Variants in MTMR7 observed in about 807,000 individuals in gnomAD.
The protein encoded by MTMR7 is myotubularin related protein 7.
In MTMR7, 76 loss-of-function variants were observed where a neutral mutation model predicts 81.2. That is an observed-to-expected ratio of 0.94 (90% confidence interval 0.78 to 1.13). The LOEUF (loss-of-function observed/expected upper bound fraction) is 1.13, where lower values mean the gene tolerates loss of function less well. Among genes scored for constraint, MTMR7 ranks in the 50% most tolerant of loss-of-function variants. The probability of loss-of-function intolerance (pLI) is 0.00; values close to 1 mark genes in which losing one functional copy is unlikely to be tolerated. For synonymous variants in MTMR7, 372 were observed against 289.8 expected, an observed-to-expected ratio of 1.28 and a Z score of -2.88; for missense variants, 1,044 against 820.0, an observed-to-expected ratio of 1.27 and a Z score of -3.34.
At position 17,365,640 on chromosome 8, in the gene MTMR7, C is replaced by G. The variant is rs537439292; in HGVS notation, c.311-4366G>C. Among the ~76,000 whole-genome samples the G allele has an allele frequency of 2.0e-5, 3 of 152,256 alleles. No individual in the cohort carries two copies. The South Asian group carries it at 6.2e-4, about 32-fold the overall frequency. ...GGGGCCCCATTACACAAGAGCTCCT[C>G]CAATAAGAAGCAAATACTCAAAATG... On this transcript the variant is annotated intron_variant, in intron 3 of 13. Transcript: ENST00000180173.
intron 3 of MTMR7, 138 bp from the exon 4 acceptor site, chr8:17,361,412 C>G: frequency 1.1e-6 from 1 of 874,620 alleles, no homozygotes; most frequent in Non-Finnish European, 1.8e-6. Flanking sequence ...TTGGGAGTAA[C>G]CTGTGTGCAG....
intron 7 of MTMR7, among the ~76,000 whole-genome samples, chr8:17,316,464 TA>T (rs3040963): frequency 0.33 from 47,266 of 143,294 alleles, 7,783 homozygotes; most frequent in South Asian, 0.5. Context: ...AACAGTACAG[TA>T]AAAAAAAAAA....
At chr8:17,344,750 A>G (rs528388451) in intron 5 of MTMR7, among the ~76,000 whole-genome samples, 6 of 152,302 alleles carry the variant, frequency 3.9e-5, no homozygotes, top group East Asian at 1.9e-4. Flanking sequence ...TTAAAACTAC[A>G]GAGTGTGAGA....
intron 4 of MTMR7, among the ~76,000 whole-genome samples, chr8:17,352,245 C>A (rs1434056307): frequency 2.0e-5 from 3 of 152,116 alleles, no homozygotes; most frequent in African/African-American, 7.2e-5. Flanking sequence ...GGAATAAAGA[C>A]AGACAAATAG....
intron 4 of MTMR7, among the ~76,000 whole-genome samples, chr8:17,355,803 A>T (rs1392590699): frequency 6.6e-6 from 1 of 152,226 alleles, no homozygotes; most frequent in Non-Finnish European, 1.5e-5. Flanking sequence ...TTCACAGAAG[A>T]GTCAACATGA....
chr8:17,400,522 T>C (rs1821396303), intron 1 of MTMR7, among the ~76,000 whole-genome samples: 1 of 152,218 alleles, frequency 6.6e-6, no homozygotes, highest in Non-Finnish European at 1.5e-5. Context: ...TCTGGAGTCC[T>C]GTGTGCTTCC....
At position 17,297,057 on chromosome 8, in the gene MTMR7, G is replaced by A. The variant is rs1281083792; in HGVS notation, c.*2805C>T. On this transcript the variant is annotated 3_prime_UTR_variant, in exon 14 of 14. Transcript: ENST00000180173. ...AAGTGACCATTTTTTCTAATTTTAT[G>A]GCTATATATTTTCTTCATAAAAATT... 1 of 152,048 alleles carries A rather than the reference G, an allele frequency of 6.6e-6. No homozygotes were observed. Among genetic ancestry groups the A allele is most frequent in the African/African-American group, 2.4e-5 (1 of 41,394 alleles). The allele number at this position is 152,048 out of a possible 1,614,324, so 9.4% of individuals were successfully genotyped here. A position where few individuals can be genotyped will look rare whatever the true frequency, so the allele number is the denominator to read the frequency against.
At chr8:17,360,009 T>G (rs1185507556) in intron 4 of MTMR7, among the ~76,000 whole-genome samples, 1 of 152,172 alleles carries the variant, frequency 6.6e-6, no homozygotes. Flanking sequence ...TTCTCCATTA[T>G]TTAAAATAGT....
At chr8:17,322,692 G>A (rs747110905) in intron 7 of MTMR7, among the ~76,000 whole-genome samples, 2 of 152,050 alleles carry the variant, frequency 1.3e-5, no homozygotes, top group Non-Finnish European at 2.9e-5. Context: ...GGGTGTGGAG[G>A]TGCACGCCTG....
intron 4 of MTMR7, among the ~76,000 whole-genome samples, chr8:17,357,678 T>C (rs1222967956): frequency 6.6e-6 from 1 of 152,232 alleles, no homozygotes; most frequent in Non-Finnish European, 1.5e-5. Flanking sequence ...GAGGCCTTCC[T>C]ATATTTAGAA....
At chr8:17,325,083 T>C (rs1818608855) in intron 7 of MTMR7, among the ~76,000 whole-genome samples, 2 of 152,072 alleles carry the variant, frequency 1.3e-5, no homozygotes, top group Middle Eastern at 3.4e-3. Flanking sequence ...CATAAAGACA[T>C]GAGGTACGGA....
At chr8:17,332,710 T>A (rs1423930508) in intron 6 of MTMR7, among the ~76,000 whole-genome samples, 1 of 152,246 alleles carries the variant, frequency 6.6e-6, no homozygotes, top group Non-Finnish European at 1.5e-5. Flanking sequence ...GTCGAACCAT[T>A]AAGTCAGAGA....
intron 1 of MTMR7, among the ~76,000 whole-genome samples, chr8:17,401,408 G>C (rs999688913): frequency 1.1e-4 from 16 of 152,064 alleles, no homozygotes; most frequent in Non-Finnish European, 1.9e-4. Context: ...TCCAAGAACA[G>C]GGAGTGGGGT....
intron 11 of MTMR7, among the ~76,000 whole-genome samples, chr8:17,305,310 A>C (rs975948045): frequency 3.9e-5 from 6 of 152,224 alleles, no homozygotes; most frequent in Non-Finnish European, 2.9e-5. Context: ...ACTTATTTTA[A>C]AGTCCACAAT....
intron 10 of MTMR7, among the ~76,000 whole-genome samples, chr8:17,306,444 C>T (rs1817460589): frequency 6.6e-6 from 1 of 151,756 alleles, no homozygotes. Flanking sequence ...ATTCCTAAAG[C>T]GGTTAAAGCT....
chr8:17,403,544 C>A (rs1477732715), intron 1 of MTMR7, among the ~76,000 whole-genome samples: 1 of 152,120 alleles, frequency 6.6e-6, no homozygotes, highest in African/African-American at 2.4e-5. Context: ...GCACAGAATA[C>A]ATTTGGCTAT....
chr8:17,313,881 T>C (rs990193984), intron 7 of MTMR7, among the ~76,000 whole-genome samples: 2 of 152,168 alleles, frequency 1.3e-5, no homozygotes, highest in Non-Finnish European at 2.9e-5. Context: ...ATCCTAAATT[T>C]CTTAAATGAA....
At chr8:17,313,770 G>C (rs1015269731) in intron 7 of MTMR7, among the ~76,000 whole-genome samples, 1 of 152,010 alleles carries the variant, frequency 6.6e-6, no homozygotes, top group Non-Finnish European at 1.5e-5. Context: ...AGTGCTATGA[G>C]GAAAAAAATC....
intron 1 of MTMR7, among the ~76,000 whole-genome samples, chr8:17,374,121 A>C (rs1363290792): frequency 6.6e-6 from 1 of 152,222 alleles, no homozygotes; most frequent in Non-Finnish European, 1.5e-5. Context: ...CTCATCCCTC[A>C]AGCCAAAATG....
Sources: gnomAD v4.1 joint callset for allele counts (sites outside exome capture counted in the v4.1 genomes callset) on GRCh38, gnomAD v4.1.1 for gene constraint, MANE v1.5 for transcripts, NCBI Gene and HGNC (gene_info 2026-07-23, HGNC 2026-07-21) for gene names.